RYR2: variants seen among roughly 807,000 people sequenced by gnomAD.
The protein encoded by RYR2 is ryanodine receptor 2.
Under a neutral mutation model 601.1 loss-of-function variants are expected in RYR2, and 227 were observed. The ratio of observed to expected loss-of-function variants is 0.38; its 90% CI spans 0.34 to 0.42. The LOEUF (loss-of-function observed/expected upper bound fraction) is 0.42. RYR2 is among the 10% of genes least tolerant of loss of function. The pLI, the probability that RYR2 is intolerant of heterozygous loss-of-function variation, is 1.00. For synonymous variants in RYR2, 2,223 were observed against 2,175.1 expected (o/e 1.02, Z -0.61); for missense variants, 4,646 against 6,156.5 (o/e 0.75, Z 8.21).
intron 3 of RYR2, among the ~76,000 whole-genome samples, chr1:237,345,758 CTATT>C (rs1304726963): frequency 2.7e-5 from 4 of 146,760 alleles, no homozygotes; most frequent in African/African-American, 9.9e-5. Flanking sequence ...CAAAGTCTAT[CTATT>C]ATTATGTCTA....
At position 237,356,272 on chromosome 1, in the gene RYR2, T is replaced by G. The variant is rs530750195; in HGVS notation, c.294+287T>G. On this transcript the variant is annotated intron_variant, in intron 4 of 104. Transcript: ENST00000366574. ...TATGTGCTTCTGGCCAACAGAAAGG[T>G]GTTTATTATTCATACTGTCTGTATA... Among the ~76,000 whole-genome samples, 93 of 152,068 alleles carry G rather than the reference T, an allele frequency of 6.1e-4. 2 individuals are homozygous for G. In the South Asian group the frequency reaches 0.019, roughly 31 times the overall value.
At chr1:237,331,099 A>G (rs1021202265) in intron 3 of RYR2, 117 bp downstream of exon 3, 9 of 827,456 alleles carry the variant, frequency 1.1e-5, no homozygotes, top group African/African-American at 1.7e-5. Flanking sequence ...CATGCCTTTC[A>G]GTTGGAATGT....
chr1:237,700,149 C>T, intron 64 of RYR2, 80 bp from the exon 65 acceptor site: 3 of 935,222 alleles, frequency 3.2e-6, no homozygotes, highest in Non-Finnish European at 4.8e-6. Context: ...GAGAAATAAA[C>T]ATCATAAGAG....
intron 96 of RYR2, among the ~76,000 whole-genome samples, chr1:237,795,746 C>T (rs1012635502): frequency 4.6e-5 from 7 of 151,488 alleles, no homozygotes; most frequent in South Asian, 4.2e-4. Context: ...CCACCACATC[C>T]GGCCAAATAT....
intron 1 of RYR2, among the ~76,000 whole-genome samples, chr1:237,229,447 C>A (rs1320706229): frequency 6.6e-6 from 1 of 152,200 alleles, no homozygotes; most frequent in Non-Finnish European, 1.5e-5. Flanking sequence ...TGCCCCAGCA[C>A]AGCTTCTGGT....
At chr1:237,257,139 T>C (rs1459590738) in intron 1 of RYR2, among the ~76,000 whole-genome samples, 1 of 152,226 alleles carries the variant, frequency 6.6e-6, no homozygotes, top group Non-Finnish European at 1.5e-5. Context: ...ATGCAGTGAT[T>C]TGATATCATT....
chr1:237,294,268 G>A (rs2385809), intron 2 of RYR2, among the ~76,000 whole-genome samples: 58,375 of 151,850 alleles, frequency 0.38, 11,475 homozygotes, highest in African/African-American at 0.46. Context: ...AGTCTCCCAT[G>A]TTCATGGAGA....
intron 12 of RYR2, among the ~76,000 whole-genome samples, chr1:237,440,002 C>T (rs1054483877): frequency 1.3e-5 from 2 of 152,118 alleles, no homozygotes; most frequent in Non-Finnish European, 2.9e-5. Context: ...TGTTTTATTA[C>T]AGATACTTAG....
rs148456645 is a variant in RYR2, at chr1:237,177,053, A to G, written c.49-93444A>G. Among the ~76,000 whole-genome samples, 1,035 of 152,288 alleles carry G rather than the reference A, an allele frequency of 6.8e-3. 15 individuals carry two copies. The highest frequency in any genetic ancestry group is 0.023 in the African/African-American group (944 of 41,570). ...TAAACAAAAACGTTGACTTTAGTCT[A>G]TGTTGTATTACTGTTGGAAATATTA... On this transcript the variant is annotated intron_variant, in intron 1 of 104. Coordinates refer to ENST00000366574, the MANE Select transcript of RYR2 (RefSeq NM_001035.3).
intron 1 of RYR2, among the ~76,000 whole-genome samples, chr1:237,231,433 C>T (rs1489753052): frequency 6.6e-6 from 1 of 151,742 alleles, no homozygotes; most frequent in Non-Finnish European, 1.5e-5. Flanking sequence ...ATAGCTGGAA[C>T]TACAGGCGCA....
At chr1:237,295,626 T>C (rs1407742383) in intron 2 of RYR2, among the ~76,000 whole-genome samples, 1 of 152,310 alleles carries the variant, frequency 6.6e-6, no homozygotes, top group East Asian at 1.9e-4. Context: ...TCTGGAGTAT[T>C]TTAAACGTTG....
intron 1 of RYR2, among the ~76,000 whole-genome samples, chr1:237,044,997 G>T (rs1001098557): frequency 6.0e-5 from 9 of 149,000 alleles, no homozygotes; most frequent in Non-Finnish European, 8.9e-5. Context: ...AGGAGTATTA[G>T]GAATCTGTAC....
intron 12 of RYR2, among the ~76,000 whole-genome samples, chr1:237,436,216 A>G (rs538628476): frequency 6.6e-6 from 1 of 151,960 alleles, no homozygotes; most frequent in Non-Finnish European, 1.5e-5. Flanking sequence ...AGGTAACCTC[A>G]TTGCAGGAGT....
intron 87 of RYR2, among the ~76,000 whole-genome samples, chr1:237,776,206 G>A (rs762361877): frequency 6.6e-6 from 1 of 151,942 alleles, no homozygotes; most frequent in Non-Finnish European, 1.5e-5. Context: ...ACTGAACATC[G>A]ACCACAGGAA....
chr1:237,475,192 A>G (rs559154742), intron 17 of RYR2, among the ~76,000 whole-genome samples: 54 of 152,238 alleles, frequency 3.5e-4, no homozygotes, highest in Non-Finnish European at 6.8e-4. Flanking sequence ...ACACAGAACC[A>G]GCTCCCGGAG....
chr1:237,131,242 C>T (rs1193465745), intron 1 of RYR2, among the ~76,000 whole-genome samples: 1 of 151,952 alleles, frequency 6.6e-6, no homozygotes, highest in Non-Finnish European at 1.5e-5. Context: ...AAAACTCAAA[C>T]CCAGTTTAAC....
chr1:237,243,052 C>T (rs749474823), intron 1 of RYR2, among the ~76,000 whole-genome samples: 1 of 151,908 alleles, frequency 6.6e-6, no homozygotes, highest in Non-Finnish European at 1.5e-5. Flanking sequence ...GCAGGTTTTC[C>T]CCAGGTGTTT....
chr1:237,818,964 A>G (rs1662136120), intron 100 of RYR2, 72 bp from the exon 101 acceptor site: 1 of 1,373,810 alleles, frequency 7.3e-7, no homozygotes, highest in South Asian at 1.4e-5. Flanking sequence ...AACTACAGAG[A>G]TAACTCGGGT....
intron 1 of RYR2, among the ~76,000 whole-genome samples, chr1:237,074,020 A>G (rs767936967): frequency 6.6e-6 from 1 of 152,094 alleles, no homozygotes; most frequent in Non-Finnish European, 1.5e-5. Flanking sequence ...AAGATTTAAA[A>G]TTTTTTTGTG....
Sources: allele counts gnomAD v4.1 joint callset (sites outside exome capture counted in the v4.1 genomes callset), GRCh38; gene constraint gnomAD v4.1.1; transcripts MANE v1.5; gene names NCBI Gene and HGNC (gene_info 2026-07-23, HGNC 2026-07-21).